Variants in ROS1 observed in about 807,000 individuals in gnomAD.
ROS1 encodes proto-oncogene tyrosine-protein kinase ROS.
A neutral mutation model predicts 273.5 loss-of-function variants in ROS1; 263 were observed. That is an observed-to-expected ratio of 0.96 (90% confidence interval 0.87 to 1.06). The LOEUF is 1.06. Among genes scored for constraint, ROS1 ranks in the 50% least tolerant of loss-of-function variants. ROS1 has a pLI of 0.00. For missense variants in ROS1, 2,833 were observed against 2,751.1 expected (o/e 1.03, Z -0.67); for synonymous variants, 1,008 against 954.1 (o/e 1.06, Z -1.04).
chr6:117,346,305 A>C (rs1414599667), intron 27 of ROS1, among the ~76,000 whole-genome samples: 2 of 152,144 alleles, frequency 1.3e-5, no homozygotes, highest in Non-Finnish European at 2.9e-5. Context: ...CCTTCAGAAA[A>C]AAAGGACCAA....
At chr6:117,405,912 T>G (rs1289909251) in intron 5 of ROS1, among the ~76,000 whole-genome samples, 1 of 152,202 alleles carries the variant, frequency 6.6e-6, no homozygotes, top group African/African-American at 2.4e-5. Context: ...TTAATAATAG[T>G]ATGTATAACT....
At position 117,387,654 on chromosome 6, in the gene ROS1, A is replaced by G. The variant is rs140096907; in HGVS notation, c.1999+126T>C. 4,101 of 892,166 alleles carry G rather than the reference A, an allele frequency of 4.6e-3. 20 individuals carry two copies. Among genetic ancestry groups the G allele is most frequent in the Non-Finnish European group, 5.3e-3 (3,039 of 576,300 alleles). The allele number at this position is 892,166 out of a possible 1,614,324, so 55.3% of individuals were successfully genotyped here. A position where few individuals can be genotyped will look rare whatever the true frequency, so the allele number is the denominator to read the frequency against. ...GTACTCAATATGTGTTTACTCAAAC[A>G]CATACTCAAGAGGTCAATACACCCT... On this transcript the variant is annotated intron_variant, in intron 14 of 43. Coordinates refer to ENST00000368507, the MANE Select transcript of ROS1 (RefSeq NM_001378902.1).
intron 22 of ROS1, among the ~76,000 whole-genome samples, chr6:117,361,398 C>T (rs963596397): frequency 6.7e-6 from 1 of 149,564 alleles, no homozygotes; most frequent in Non-Finnish European, 1.5e-5. Context: ...TTATATATTA[C>T]TATCTGTATG....
intron 29 of ROS1, among the ~76,000 whole-genome samples, chr6:117,341,841 C>A (rs1194830311): frequency 1.3e-5 from 2 of 152,156 alleles, no homozygotes; most frequent in Non-Finnish European, 2.9e-5. Context: ...CCAAATCATT[C>A]TCTGACTCCA....
At chr6:117,400,666 A>G (rs1242032724) in intron 7 of ROS1, among the ~76,000 whole-genome samples, 1 of 152,156 alleles carries the variant, frequency 6.6e-6, no homozygotes, top group Non-Finnish European at 1.5e-5. Context: ...CTTGGCTTTG[A>G]GACACCACAA....
intron 43 of ROS1, among the ~76,000 whole-genome samples, chr6:117,292,877 C>G (rs142978192): frequency 6.6e-6 from 1 of 152,164 alleles, no homozygotes; most frequent in African/African-American, 2.4e-5. Flanking sequence ...CTCTCTACAC[C>G]TGTTACCATT....
chr6:117,325,637 T>G (rs1258231139), intron 34 of ROS1, among the ~76,000 whole-genome samples: 1 of 152,022 alleles, frequency 6.6e-6, no homozygotes, highest in Admixed American at 6.6e-5. Context: ...AATGATACCT[T>G]AAATTAGGAA....
intron 27 of ROS1, among the ~76,000 whole-genome samples, chr6:117,346,302 A>G (rs986955125): frequency 4.6e-5 from 7 of 152,120 alleles, no homozygotes; most frequent in Middle Eastern, 3.4e-3. Context: ...ATACCTTCAG[A>G]AAAAAAGGAC....
At position 117,318,267 on chromosome 6, in the gene ROS1, A is replaced by T. The variant is rs1776057488; in HGVS notation, c.5923-15T>A. On this transcript the variant is annotated splice_polypyrimidine_tract_variant and intron_variant, in intron 37 of 43. Transcript: ENST00000368507. ...TTCTTCAAAGTCTATACAACATAAA[A>T]ACAAGTCAGGAATCAGTATAGCAGA... 2.5e-6 allele frequency: 4 copies of T among 1,603,760 alleles called. No individual in the cohort carries two copies. Among genetic ancestry groups the T allele is most frequent in the Non-Finnish European group, 3.4e-6 (4 of 1,171,214 alleles).
intron 27 of ROS1, among the ~76,000 whole-genome samples, chr6:117,352,497 A>G (rs907812161): frequency 3.3e-5 from 5 of 152,164 alleles, no homozygotes; most frequent in African/African-American, 1.2e-4. Context: ...CTTAATAAAA[A>G]TGGTAGCACA....
intron 4 of ROS1, among the ~76,000 whole-genome samples, chr6:117,411,300 C>A (rs894418411): frequency 6.7e-6 from 1 of 149,636 alleles, no homozygotes; most frequent in Non-Finnish European, 1.5e-5. Flanking sequence ...TTTCACCTCC[C>A]TTCACCCCGC....
rs1020525340 is a variant in ROS1 at position 117,378,980 on chromosome 6, T to G, written c.2582+79A>C. 3 of 847,694 alleles carry G rather than the reference T, an allele frequency of 3.5e-6. No homozygotes were observed. In the Admixed American group the frequency reaches 6.6e-5, roughly 19 times the overall value. 52.5% of individuals were successfully genotyped at this position (847,694 alleles called of 1,614,324 possible). ...AACCAGAAAATGTTTATTGAAGGAA[T>G]AAATGAATTTCCATGCATTATCATT... On this transcript the variant is annotated intron_variant, in intron 18 of 43. Transcript: ENST00000368507.
chr6:117,417,460 T>G (rs1775421886), intron 2 of ROS1, among the ~76,000 whole-genome samples: 1 of 152,086 alleles, frequency 6.6e-6, no homozygotes, highest in African/African-American at 2.4e-5. Flanking sequence ...GCCAAAAACC[T>G]CAGGAAGGAC....
intron 37 of ROS1, among the ~76,000 whole-genome samples, chr6:117,319,096 T>A (rs1252737528): frequency 6.6e-6 from 1 of 152,088 alleles, no homozygotes; most frequent in African/African-American, 2.4e-5. Flanking sequence ...AAGCAATAAA[T>A]CTCTAATAAG....
intron 27 of ROS1, among the ~76,000 whole-genome samples, chr6:117,346,530 A>G (rs1368925655): frequency 6.6e-6 from 1 of 151,010 alleles, no homozygotes; most frequent in East Asian, 1.9e-4. Flanking sequence ...GGAGGAGGAT[A>G]TGTGTGTGTG....
In ROS1 at chr6:117,383,463, G is replaced by T; in HGVS notation, c.2335C>A (p.His779Asn). 6.2e-7 allele frequency: 1 copy of T among 1,614,046 alleles called. No homozygotes were observed. The highest frequency in any genetic ancestry group is 1.6e-4 in the Middle Eastern group (1 of 6,062). The part of the protein sequence containing the change: ...VLTGHTDIVT[H>N]VKLLVNDMVV... The stretch of plus-strand genomic sequence containing the variant: ...ATGTCATTCACCAATAGCTTCACGT[G>T]GGTAACAATGTCTGTGTGTCCCGTC... Residue 779 changes from histidine (H) to asparagine (N), a missense_variant, in exon 17 of 44, where the codon CAC (histidine) becomes AAC (asparagine). His to Asn is a moderately conservative substitution (Grantham distance 68). Transcript: ENST00000368507.
intron 11 of ROS1, 87 bp downstream of exon 11, chr6:117,394,075 G>C: frequency 2.5e-6 from 2 of 808,240 alleles, no homozygotes; most frequent in Non-Finnish European, 3.7e-6. Context: ...TATTGAATAA[G>C]GCAATTGTGT....
At chr6:117,409,308 G>A (rs1774706026) in intron 5 of ROS1, among the ~76,000 whole-genome samples, 2 of 152,146 alleles carry the variant, frequency 1.3e-5, no homozygotes, top group African/African-American at 4.8e-5. Flanking sequence ...CATTAAGAGA[G>A]AAGTGAGTGT....
rs1035565334 is a variant in ROS1, at chr6:117,337,172, C to A, written c.5230G>T (p.Ala1744Ser). Residue 1744 changes from alanine to serine, a missense_variant and splice_region_variant, in exon 32 of 44, where the codon GCT becomes TCT. Ala to Ser is a moderately conservative substitution (Grantham distance 99). Transcript: ENST00000368507. ...TSLPESFKTK[A>S]GVPNKPGIPK... is the part of the protein sequence containing the mutation. ...GAGTATTGAGTATGTTAGTACTCAC[C>A]TTTTGTCTTAAAGCTTTCTGGAAGT... 6.2e-7 allele frequency: 1 copy of A among 1,610,716 alleles called. No individual in the cohort carries two copies. Among genetic ancestry groups the A allele is most frequent in the Non-Finnish European group, 8.5e-7 (1 of 1,178,216 alleles).
Sources: gnomAD v4.1 joint callset for allele counts (sites outside exome capture counted in the v4.1 genomes callset) on GRCh38, gnomAD v4.1.1 for gene constraint, MANE v1.5 for transcripts, NCBI Gene and HGNC (gene_info 2026-07-23, HGNC 2026-07-21) for gene names.